The following RASAL2 variants were observed in gnomAD, a reference collection of about 807,000 sequenced individuals.
The protein encoded by RASAL2 is ras GTPase-activating protein nGAP.
In RASAL2, 58 loss-of-function variants were observed where a neutral mutation model predicts 128.9. The observed-to-expected ratio is 0.45, with a 90% CI of 0.36 to 0.56. The LOEUF (loss-of-function observed/expected upper bound fraction) is 0.56, where lower values mean the gene tolerates loss of function less well. Among genes scored for constraint, RASAL2 ranks in the 20% least tolerant of loss-of-function variants. The pLI is 0.00. For synonymous variants in RASAL2, 561 were observed against 580.8 expected (o/e 0.97, Z 0.49); for missense variants, 1,360 against 1,601.6 (o/e 0.85, Z 2.57).
chr1:178,178,055 G>A (rs930876382), intron 1 of RASAL2, among the ~76,000 whole-genome samples: 1 of 151,996 alleles, frequency 6.6e-6, no homozygotes, highest in South Asian at 2.1e-4. Context: ...ATTGAGTTTA[G>A]AATCATCAGT....
chr1:178,106,038 T>C (rs1179820253), intron 1 of RASAL2, among the ~76,000 whole-genome samples: 1 of 152,206 alleles, frequency 6.6e-6, no homozygotes, highest in East Asian at 1.9e-4. Flanking sequence ...CTAATTTAGT[T>C]CATGGAAACA....
chr1:178,313,090 A>G (rs1014900965), intron 3 of RASAL2, among the ~76,000 whole-genome samples: 9 of 152,330 alleles, frequency 5.9e-5, no homozygotes, highest in South Asian at 2.1e-4. Flanking sequence ...GCTCCTGACC[A>G]CTATGCTACA....
At chr1:178,402,961 A>C (rs1390968622) in intron 4 of RASAL2, among the ~76,000 whole-genome samples, 1 of 152,142 alleles carries the variant, frequency 6.6e-6, no homozygotes, top group Non-Finnish European at 1.5e-5. Context: ...AATAGACCTC[A>C]CTTTGAGGTC....
intron 1 of RASAL2, among the ~76,000 whole-genome samples, chr1:178,130,325 A>G (rs1660058045): frequency 1.3e-5 from 2 of 152,280 alleles, no homozygotes; most frequent in African/African-American, 4.8e-5. Context: ...GTTAAAAGAA[A>G]AATGTTTAAT....
At chr1:178,175,336 C>T (rs1204028386) in intron 1 of RASAL2, among the ~76,000 whole-genome samples, 1 of 151,746 alleles carries the variant, frequency 6.6e-6, no homozygotes, top group African/African-American at 2.4e-5. Context: ...GGGAGATCTA[C>T]GTCTTCTAAC....
rs1479147909 is a variant in RASAL2 at position 178,474,880 on chromosome 1, A to G, written c.*1641A>G. 1.3e-5 allele frequency: 2 copies of G among 152,196 alleles called. No homozygotes were observed. Among genetic ancestry groups the G allele is most frequent in the African/African-American group, 4.8e-5 (2 of 41,456 alleles). The allele number at this position is 152,196 out of a possible 1,614,324, so 9.4% of individuals were successfully genotyped here. On this transcript the variant is annotated 3_prime_UTR_variant, in exon 18 of 18. Coordinates refer to ENST00000367649, the MANE Select transcript of RASAL2 (RefSeq NM_170692.4). ...TAAGTTGATGTTGATTTTAAATTAT[A>G]AGCTTTAAAGAATTTTTTTTCTAGA...
intron 5 of RASAL2, among the ~76,000 whole-genome samples, chr1:178,423,326 T>C (rs1675283736): frequency 6.6e-6 from 1 of 152,156 alleles, no homozygotes; most frequent in African/African-American, 2.4e-5. Context: ...CTGCTTGGTA[T>C]AGAGTATGTA....
chr1:178,360,398 C>G (rs930884460), intron 3 of RASAL2, among the ~76,000 whole-genome samples: 29 of 152,138 alleles, frequency 1.9e-4, no homozygotes, highest in African/African-American at 7.0e-4. Flanking sequence ...ATGCCTTCTG[C>G]GTGTGTTCCA....
intron 8 of RASAL2, among the ~76,000 whole-genome samples, chr1:178,443,568 A>G (rs568197093): frequency 9.2e-5 from 14 of 152,276 alleles, no homozygotes; most frequent in East Asian, 1.9e-4. Flanking sequence ...AGAGTGTTGT[A>G]TGGTGGTTTT....
intron 1 of RASAL2, among the ~76,000 whole-genome samples, chr1:178,264,169 A>C (rs1032911488): frequency 3.2e-4 from 48 of 152,304 alleles, no homozygotes; most frequent in African/African-American, 1.1e-3. Context: ...GTACATAGTT[A>C]AAAAGTCAGT....
intron 1 of RASAL2, among the ~76,000 whole-genome samples, chr1:178,240,649 A>C (rs1443282693): frequency 1.3e-5 from 2 of 151,890 alleles, no homozygotes; most frequent in Admixed American, 6.6e-5. Context: ...TCTTAAATGA[A>C]AATTTATGAA....
intron 1 of RASAL2, among the ~76,000 whole-genome samples, chr1:178,134,819 T>G (rs1356888849): frequency 6.6e-6 from 1 of 152,196 alleles, no homozygotes; most frequent in Non-Finnish European, 1.5e-5. Context: ...ATCAAATCAC[T>G]GGCTACCAAG....
chr1:178,265,274 G>T (rs12034044), intron 1 of RASAL2, among the ~76,000 whole-genome samples: 40,788 of 151,640 alleles, frequency 0.27, 6,339 homozygotes, highest in African/African-American at 0.44. Flanking sequence ...TTTGGTTTTT[G>T]TTGAGACAGA....
chr1:178,369,327 T>C (rs894386083), intron 3 of RASAL2, among the ~76,000 whole-genome samples: 2 of 152,092 alleles, frequency 1.3e-5, no homozygotes, highest in Non-Finnish European at 2.9e-5. Context: ...GTTCAAGCAA[T>C]TCTCCTGCCT....
At chr1:178,308,458 T>A (rs1668094702) in intron 3 of RASAL2, among the ~76,000 whole-genome samples, 1 of 151,834 alleles carries the variant, frequency 6.6e-6, no homozygotes, top group Non-Finnish European at 1.5e-5. Context: ...GAATATGTTC[T>A]CTAGGGTATT....
At chr1:178,300,241 G>C in intron 3 of RASAL2, 123 bp downstream of exon 3, 2 of 1,139,890 alleles carry the variant, frequency 1.8e-6, no homozygotes, top group Non-Finnish European at 2.4e-6. Context: ...TCAATGGCAC[G>C]TTAAGCGAGA....
At chr1:178,323,994 C>G (rs2102343768) in intron 3 of RASAL2, among the ~76,000 whole-genome samples, 1 of 152,336 alleles carries the variant, frequency 6.6e-6, no homozygotes, top group Admixed American at 6.5e-5. Flanking sequence ...TTACCAGTGA[C>G]TGTGCTGGGT....
At chr1:178,449,505 A>G (rs1242523019) in intron 9 of RASAL2, among the ~76,000 whole-genome samples, 1 of 152,158 alleles carries the variant, frequency 6.6e-6, no homozygotes, top group Non-Finnish European at 1.5e-5. Flanking sequence ...ATCATAGAAC[A>G]TTCTGGGCAC....
chr1:178,422,829 C>CT (rs974918927), intron 5 of RASAL2, among the ~76,000 whole-genome samples: 2 of 151,808 alleles, frequency 1.3e-5, no homozygotes, highest in Non-Finnish European at 2.9e-5. Context: ...TAAGCAGCTC[C>CT]TTTTTTTTCC....
Sources: allele counts gnomAD v4.1 joint callset (sites outside exome capture counted in the v4.1 genomes callset), GRCh38; gene constraint gnomAD v4.1.1; transcripts MANE v1.5; gene names NCBI Gene and HGNC (gene_info 2026-07-23, HGNC 2026-07-21).